The following DEPDC5 variants were observed in gnomAD, a reference collection of about 807,000 sequenced individuals.
The protein encoded by DEPDC5 is GATOR1 complex protein DEPDC5.
A neutral mutation model predicts 217.3 loss-of-function variants in DEPDC5; 73 were observed. The observed-to-expected ratio is 0.34, with a 90% CI of 0.28 to 0.41. The LOEUF (loss-of-function observed/expected upper bound fraction) is 0.41, where lower values mean the gene tolerates loss of function less well. Among genes scored for constraint, DEPDC5 ranks in the 10% least tolerant of loss-of-function variants. The pLI is 1.00. For synonymous variants in DEPDC5, 733 were observed against 756.7 expected (o/e 0.97, Z 0.51); for missense variants, 1,675 against 2,070.1 (o/e 0.81, Z 3.70).
intron 27 of DEPDC5, among the ~76,000 whole-genome samples, chr22:31,841,632 C>T (rs1397462557): frequency 6.6e-6 from 1 of 152,286 alleles, no homozygotes; most frequent in East Asian, 1.9e-4. Flanking sequence ...CGCAATCAGT[C>T]TGATTGGTTG....
intron 24 of DEPDC5, among the ~76,000 whole-genome samples, chr22:31,825,244 G>T (rs1453148342): frequency 3.3e-5 from 5 of 152,226 alleles, no homozygotes; most frequent in Admixed American, 1.3e-4. Flanking sequence ...GCCTGGGATA[G>T]CTCAGGTGGA....
chr22:31,842,665 T>C (rs1406745726), intron 27 of DEPDC5, among the ~76,000 whole-genome samples: 3 of 151,420 alleles, frequency 2.0e-5, no homozygotes, highest in Non-Finnish European at 4.4e-5. Flanking sequence ...GGTATAGCAG[T>C]TTAGGATTAG....
rs2091062255 is a variant in DEPDC5, at chr22:31,837,108, C to T, written c.2307C>T (p.Asp769=). 6.2e-7 allele frequency: 1 copy of T among 1,614,192 alleles called. No individual in the cohort carries two copies. The highest frequency in any genetic ancestry group is 1.1e-5 in the South Asian group (1 of 91,084). Residue 769 remains aspartate, a synonymous_variant, in exon 26 of 43, where the codon GAC becomes GAT. Coordinates refer to ENST00000651528, the MANE Select transcript of DEPDC5 (RefSeq NM_001242896.3). ...CTGACCGCCAGGGCCTGCAGAATGA[C>T]TACACAGAGGGCTGTTATGATCTCC... ...YFPDRQGLQN[D]YTEGCYDLLP...
At chr22:31,868,348 A>AG (rs944621149) in intron 33 of DEPDC5, among the ~76,000 whole-genome samples, 2 of 152,218 alleles carry the variant, frequency 1.3e-5, no homozygotes, top group African/African-American at 4.8e-5. Context: ...TGCACAGGAC[A>AG]GCCCCCCACA....
chr22:31,776,343 C>T (rs1182911070), intron 7 of DEPDC5, among the ~76,000 whole-genome samples: 3 of 151,978 alleles, frequency 2.0e-5, no homozygotes, highest in African/African-American at 7.2e-5. Context: ...AGCTCCTGGG[C>T]TCAAGCAATC....
intron 31 of DEPDC5, among the ~76,000 whole-genome samples, chr22:31,849,988 G>A (rs929861020): frequency 2.6e-5 from 4 of 151,518 alleles, no homozygotes; most frequent in Non-Finnish European, 4.4e-5. Flanking sequence ...GCATGGTGGC[G>A]CATGCCTGTA....
At chr22:31,895,143 CAAAA>C (rs56247667) in intron 39 of DEPDC5, among the ~76,000 whole-genome samples, 21 of 57,608 alleles carry the variant, frequency 3.6e-4, no homozygotes, top group African/African-American at 1.2e-3. Flanking sequence ...GAATCCGTCT[CAAAA>C]AAAAAAAAAA....
At chr22:31,872,889 A>G (rs991582455) in intron 34 of DEPDC5, among the ~76,000 whole-genome samples, 1 of 151,930 alleles carries the variant, frequency 6.6e-6, no homozygotes, top group Non-Finnish European at 1.5e-5. Context: ...CAAGTAGCTG[A>G]GACAACAGGC....
At chr22:31,792,246 G>A in intron 11 of DEPDC5, 144 bp downstream of exon 11, 2 of 644,464 alleles carry the variant, frequency 3.1e-6, no homozygotes, top group East Asian at 5.7e-5. Context: ...AAAAGGGAAA[G>A]TAGCACAGTC....
At chr22:31,889,005 G>C (rs1016125378) in intron 38 of DEPDC5, among the ~76,000 whole-genome samples, 1 of 152,186 alleles carries the variant, frequency 6.6e-6, no homozygotes, top group African/African-American at 2.4e-5. Flanking sequence ...TCACTCCCAA[G>C]ACTGCTTGTT....
chr22:31,812,239 G>A (rs1441271905), intron 20 of DEPDC5, among the ~76,000 whole-genome samples: 5 of 151,880 alleles, frequency 3.3e-5, no homozygotes, highest in South Asian at 2.1e-4. Context: ...GCCCACACCC[G>A]CCTTGGCCTC....
chr22:31,814,936 T>A (rs1386801605), intron 20 of DEPDC5, 56 bp from the exon 21 acceptor site: 2 of 1,599,984 alleles, frequency 1.3e-6, no homozygotes, highest in African/African-American at 1.3e-5. Flanking sequence ...TAGTTTTAAC[T>A]CAAGGTAGGA....
chr22:31,879,461 A>G (rs2149293670), intron 37 of DEPDC5, 64 bp from the exon 38 acceptor site: 1 of 1,462,126 alleles, frequency 6.8e-7, no homozygotes, highest in Non-Finnish European at 9.4e-7. Flanking sequence ...AAGTTGTAGC[A>G]TGCATCATGA....
chr22:31,810,179 G>A (rs534126386), intron 19 of DEPDC5, among the ~76,000 whole-genome samples: 6 of 152,264 alleles, frequency 3.9e-5, no homozygotes, highest in South Asian at 4.1e-4. Flanking sequence ...TAGGGATCAC[G>A]TAGAAAGTTT....
intron 17 of DEPDC5, among the ~76,000 whole-genome samples, 200 bp from the exon 18 acceptor site, chr22:31,805,921 GA>G (rs1224556346): frequency 6.6e-6 from 1 of 152,130 alleles, no homozygotes; most frequent in Non-Finnish European, 1.5e-5. Context: ...AGTGTAGCCA[GA>G]CTCTGTCTCT....
Position 31,760,705 on chromosome 22 carries a change from A to G in DEPDC5, c.193+3A>G, listed in dbSNP as rs2148027911. The G allele has an allele frequency of 1.9e-6, 3 of 1,607,512 alleles. No individual in the cohort carries two copies. The highest frequency in any genetic ancestry group is 2.6e-6 in the Non-Finnish European group (3 of 1,176,320). Reference sequence around the variant, plus strand: ...TCTTAAGGAAGATTTACAGAAGGGTAAGAATTATATCACTCTTCTTAGAAT... The same window carrying G: ...TCTTAAGGAAGATTTACAGAAGGGTGAGAATTATATCACTCTTCTTAGAAT... On this transcript the variant is annotated splice_donor_region_variant and intron_variant, in intron 4 of 42. Transcript: ENST00000651528.
At chr22:31,820,826 C>G (rs1247099549) in intron 22 of DEPDC5, among the ~76,000 whole-genome samples, 1 of 152,190 alleles carries the variant, frequency 6.6e-6, no homozygotes, top group African/African-American at 2.4e-5. Context: ...CAAGGCCCTC[C>G]TTCATCAGGG....
intron 12 of DEPDC5, among the ~76,000 whole-genome samples, chr22:31,794,630 A>G (rs892280176): frequency 1.3e-5 from 2 of 152,116 alleles, no homozygotes; most frequent in Non-Finnish European, 2.9e-5. Context: ...GATACCTATA[A>G]TCCCAGCACT....
At chr22:31,904,010 A>C (rs1202340091) in intron 41 of DEPDC5, among the ~76,000 whole-genome samples, 1 of 152,060 alleles carries the variant, frequency 6.6e-6, no homozygotes, top group Non-Finnish European at 1.5e-5. Context: ...ACATCAGCCC[A>C]CCCATAAGGT....
Sources: gnomAD v4.1 joint callset for allele counts (sites outside exome capture counted in the v4.1 genomes callset) on GRCh38, gnomAD v4.1.1 for gene constraint, MANE v1.5 for transcripts, NCBI Gene and HGNC (gene_info 2026-07-23, HGNC 2026-07-21) for gene names.